The following SLC23A3 variants were observed in gnomAD, a reference collection of about 807,000 sequenced individuals.
The protein encoded by SLC23A3 is E2-binding protein 3.
Under a neutral mutation model 64.7 loss-of-function variants are expected in SLC23A3, and 41 were observed. The ratio of observed to expected loss-of-function variants is 0.63; its 90% confidence interval spans 0.49 to 0.82. The LOEUF (loss-of-function observed/expected upper bound fraction) is 0.82, where lower values mean the gene tolerates loss of function less well. Ranked by LOEUF, SLC23A3 falls within the 40% of genes least tolerant of loss-of-function variation. SLC23A3 has a pLI of 0.00. For missense variants in SLC23A3, 647 were observed against 733.4 expected, an observed-to-expected ratio of 0.88 and a Z score of 1.36; for synonymous variants, 281 against 306.8, an observed-to-expected ratio of 0.92 and a Z score of 0.88.
rs574296558 is a variant in SLC23A3 at position 219,167,818 on chromosome 2, A to G, written c.913+112T>C. ...CAGACTGATAATTTCTCTCTCCTATATGTTTTCAAAAAACACAGGATTTAA... is the reference window on the plus strand; with the variant it reads ...CAGACTGATAATTTCTCTCTCCTATGTGTTTTCAAAAAACACAGGATTTAA... On this transcript the variant is annotated intron_variant, in intron 7 of 11. Coordinates refer to ENST00000409878, the MANE Select transcript of SLC23A3 (RefSeq NM_001144889.2). The G allele has an allele frequency of 1.7e-4, 146 of 835,488 alleles. No individual in the cohort carries two copies. The African/African-American group carries it at 2.3e-3, about 13-fold the overall frequency. The allele number at this position is 835,488 out of a possible 1,614,324, so 51.8% of individuals were successfully genotyped here. A position where few individuals can be genotyped will look rare whatever the true frequency, so the allele number is the denominator to read the frequency against.
chr2:219,169,890 G>A lies in SLC23A3; in HGVS notation c.95C>T (p.Ser32Phe), dbSNP rs1950044889. The change falls in exon 1 of 12, where the codon TCC becomes TTC. Residue 32 changes from serine (S) to phenylalanine (F), a missense_variant. Physicochemically the swap from Ser to Phe is radical, Grantham distance 155 (BLOSUM62 -2). Transcript: ENST00000409878. The surrounding 1 kb of genome is among the most constrained non-coding windows in gnomAD (Gnocchi z 4.5). Reference protein sequence around the residue: ...PLPPPAPQNPSTHSWDPLCGS... With the variant: ...PLPPPAPQNPFTHSWDPLCGS... ...ACACAAAGGGTCCCAAGAGTGGGTG[G>A]AGGGATTCTGGGGAGCAGGTGGAGG... 6.2e-7 allele frequency: 1 copy of A among 1,613,688 alleles called. No homozygotes were observed. Among genetic ancestry groups the A allele is most frequent in the Admixed American group, 1.7e-5 (1 of 59,864 alleles).
chr2:219,169,977 C>G lies in SLC23A3; in HGVS notation c.8G>C (p.Arg3Pro), dbSNP rs763989453. Residue 3 changes from arginine (R) to proline (P), a missense_variant, in exon 1 of 12, where the codon CGA (arginine) becomes CCA (proline). Arg to Pro is a moderately radical substitution (Grantham distance 103, BLOSUM62 -2). Coordinates refer to ENST00000409878, the MANE Select transcript of SLC23A3 (RefSeq NM_001144889.2). This position sits in a 1 kb window ranked among gnomAD's most constrained non-coding sequence, Gnocchi z 4.5. MS[R>P]SPLNPSQLRS... ...GAGTTGGCTGGGATTGAGGGGTGAT[C>G]GGCTCATGCTGCCTTGCCTTTCGCT... The G allele has an allele frequency of 6.2e-7, 1 of 1,613,722 alleles. No individual in the cohort carries two copies. The highest frequency in any genetic ancestry group is 8.5e-7 in the Non-Finnish European group (1 of 1,179,916).
In SLC23A3 at chr2:219,168,783, C is replaced by T; in HGVS notation, c.543G>A (p.Leu181=). 1 of 1,607,112 alleles carries T rather than the reference C, an allele frequency of 6.2e-7. No individual in the cohort carries two copies. Among genetic ancestry groups the T allele is most frequent in the Non-Finnish European group, 8.5e-7 (1 of 1,176,472 alleles). Residue 181 remains leucine, a synonymous_variant, in exon 5 of 12, where the codon CTG becomes CTA. Transcript: ENST00000409878. ...GGAACACGTGGCCGGGACTCCCCAG[C>T]AGCCCCATCATGCCCTGCAGCAGCC... The part of the protein sequence containing the change: ...VSGLLQGMMG[L]LGSPGHVFPH...
At chr2:219,164,966 A>T in intron 8 of SLC23A3, 1 of 640,832 alleles carries the variant, frequency 1.6e-6, no homozygotes, top group Non-Finnish European at 2.6e-6. Context: ...TAGCCTTGAT[A>T]CAGTGCCTCA....
At chr2:219,165,534 T>A in intron 7 of SLC23A3, 112 bp from the exon 8 acceptor site, 1 of 1,291,864 alleles carries the variant, frequency 7.7e-7, no homozygotes, top group Non-Finnish European at 1.1e-6. Context: ...TTGAAGACAA[T>A]GTCTTGGGAC....
At position 219,162,309 on chromosome 2, in the gene SLC23A3, GT is replaced by G. The variant is rs774839174; in HGVS notation, c.1526del (p.Asn509ThrfsTer12). 1 of 1,614,090 alleles carries G rather than the reference GT, an allele frequency of 6.2e-7. No individual in the cohort carries two copies. Among genetic ancestry groups the G allele is most frequent in the Non-Finnish European group, 8.5e-7 (1 of 1,179,996 alleles). Reference sequence around the variant, plus strand: ...CTAGCCTCAACTTACCAGGAATCGTGTTCTCTAGTAGGAAGCCTGAGAGTCC... The same window carrying G: ...CTAGCCTCAACTTACCAGGAATCGTGTCTCTAGTAGGAAGCCTGAGAGTCC... The part of the protein sequence containing the change: ...LAGLSGFLLE[N>X]TIPGTQLERG... On this transcript the variant is annotated frameshift_variant, in exon 11 of 12. Transcript: ENST00000409878. LOFTEE classifies it high-confidence loss of function.
chr2:219,165,098 G>A (rs1445090040), intron 8 of SLC23A3, 71 bp downstream of exon 8: 8 of 1,504,060 alleles, frequency 5.3e-6, no homozygotes, highest in East Asian at 5.0e-5. Context: ...GCAATCAATC[G>A]GTGTAAGTTC....
intron 11 of SLC23A3, 41 bp downstream of exon 11, chr2:219,162,258 C>T (rs748928914): frequency 6.2e-7 from 1 of 1,613,628 alleles, no homozygotes; most frequent in South Asian, 1.1e-5. Context: ...GGATGGCTTC[C>T]TGGCCACTCC....
chr2:219,165,151 C>T lies in SLC23A3; in HGVS notation c.1167+18G>A. The T allele has an allele frequency of 6.4e-7, 1 of 1,551,088 alleles. No individual in the cohort carries two copies. Among genetic ancestry groups the T allele is most frequent in the Non-Finnish European group, 8.7e-7 (1 of 1,146,846 alleles). On this transcript the variant is annotated intron_variant, in intron 8 of 11. Coordinates refer to ENST00000409878, the MANE Select transcript of SLC23A3 (RefSeq NM_001144889.2). Reference sequence around the variant, plus strand: ...CTCTAGCTCCATCCTACCCCACTCCCATCCCAGGTCCACGTACCTGGATAA... The same window carrying T: ...CTCTAGCTCCATCCTACCCCACTCCTATCCCAGGTCCACGTACCTGGATAA...
Position 219,161,758 on chromosome 2 carries a change from A to G in SLC23A3, c.*151T>C, listed in dbSNP as rs1409707609. 2 of 773,552 alleles carry G rather than the reference A, an allele frequency of 2.6e-6. No individual in the cohort carries two copies. The highest frequency in any genetic ancestry group is 3.4e-5 in the African/African-American group (2 of 58,162). The allele number at this position is 773,552 out of a possible 1,614,324, so 47.9% of individuals were successfully genotyped here. A position where few individuals can be genotyped will look rare whatever the true frequency, so the allele number is the denominator to read the frequency against. ...GGCCTAATTAAGACAAGGAAAGGCAACCCACCCTATTGGGAAATGGAACCT... is the reference window on the plus strand; with the variant it reads ...GGCCTAATTAAGACAAGGAAAGGCAGCCCACCCTATTGGGAAATGGAACCT... On this transcript the variant is annotated 3_prime_UTR_variant, in exon 12 of 12. Transcript: ENST00000409878.
chr2:219,162,015 T>C lies in SLC23A3; in HGVS notation c.1727A>G (p.Asp576Gly). 1.9e-6 allele frequency: 3 copies of C among 1,614,090 alleles called. No homozygotes were observed. In the South Asian group the frequency reaches 3.3e-5, roughly 18 times the overall value. The change falls in exon 12 of 12, where the codon GAT becomes GGT. Residue 576 changes from aspartate (D) to glycine (G), a missense_variant. By Grantham distance (94) the Asp-to-Gly change is moderately conservative. Coordinates refer to ENST00000409878, the MANE Select transcript of SLC23A3 (RefSeq NM_001144889.2). ...TGGCTCAGAGGAGCCTCCTTCCTCA[T>C]CCCCAGGGTCTTCAGGCAGTGGGCA... ...CLCPLPEDPG[D>G]EEGGSSEPEE...
rs577731120 is a variant in SLC23A3 at position 219,168,129 on chromosome 2, G to A, written c.798+66C>T. ...GGGGTAGACAGAAGCCAAAAGGTAG[G>A]GGATGGAGTGAGCACTCCAGGCCAG... On this transcript the variant is annotated intron_variant, in intron 6 of 11. Coordinates refer to ENST00000409878, the MANE Select transcript of SLC23A3 (RefSeq NM_001144889.2). 1.7e-4 allele frequency: 275 copies of A among 1,592,030 alleles called. 1 individual carries two copies. Among genetic ancestry groups the A allele is most frequent in the Non-Finnish European group, 2.3e-4 (264 of 1,168,248 alleles).
rs1949970383 is a variant in SLC23A3 at position 219,163,477 on chromosome 2, C to G, written c.1352G>C (p.Gly451Ala). The G allele has an allele frequency of 6.2e-7, 1 of 1,614,024 alleles. No homozygotes were observed. Among genetic ancestry groups the G allele is most frequent in the Admixed American group, 1.7e-5 (1 of 59,998 alleles). Residue 451 changes from glycine to alanine, a missense_variant, in exon 10 of 12, where the codon GGG becomes GCG. Gly to Ala is a moderately conservative substitution (Grantham distance 60). Transcript: ENST00000409878. ...GAAGCCCACAATGAAGATATTTCGC[C>G]CAGAGTCTATGTCAGCCAGGTAGAA... ...SSFYLADIDS[G>A]RNIFIVGFSI...
chr2:219,163,767 T>C (rs980567827), intron 9 of SLC23A3, among the ~76,000 whole-genome samples: 5 of 152,128 alleles, frequency 3.3e-5, no homozygotes, highest in African/African-American at 1.2e-4. Flanking sequence ...CAATCTCGGC[T>C]CACTGCAACC....
At chr2:219,168,434 C>G in intron 5 of SLC23A3, 116 bp from the exon 6 acceptor site, 1 of 1,303,406 alleles carries the variant, frequency 7.7e-7, no homozygotes. Flanking sequence ...GAAGGAAACT[C>G]CCATGGAAGG....
intron 10 of SLC23A3, 90 bp downstream of exon 10, chr2:219,163,298 C>T: frequency 7.8e-7 from 1 of 1,283,146 alleles, no homozygotes; most frequent in Admixed American, 2.0e-5. Context: ...CACCAAAGCC[C>T]AGAGAAGGCT....
intron 7 of SLC23A3, among the ~76,000 whole-genome samples, chr2:219,165,897 G>A (rs1950000973): frequency 6.6e-6 from 1 of 152,214 alleles, no homozygotes; most frequent in South Asian, 2.1e-4. Context: ...ACTTTGGGAG[G>A]CCAAGGCAGG....
rs770060865 is a variant in SLC23A3, at chr2:219,161,971, G to A, written c.1771C>T (p.Leu591=). 1 of 1,610,762 alleles carries A rather than the reference G, an allele frequency of 6.2e-7. No homozygotes were observed. The highest frequency in any genetic ancestry group is 2.2e-5 in the East Asian group (1 of 44,794). ...SSEPEEMADL[L]PGSGEPCPES... is the part of the protein sequence containing the mutation. The stretch of plus-strand genomic sequence containing the variant: ...GGGCATGGCTCCCCTGAGCCAGGCA[G>A]CAAGTCTGCCATCTCTTCTGGCTCA... Residue 591 remains leucine (L), a synonymous_variant, in exon 12 of 12, where the codon CTG becomes TTG. Transcript: ENST00000409878.
At chr2:219,165,953 G>GT (rs1020783821) in intron 7 of SLC23A3, among the ~76,000 whole-genome samples, 1 of 152,090 alleles carries the variant, frequency 6.6e-6, no homozygotes, top group African/African-American at 2.4e-5. Context: ...GGCCAACATG[G>GT]TGAAACCCCA....
Sources: allele counts gnomAD v4.1 joint callset (sites outside exome capture counted in the v4.1 genomes callset), GRCh38; gene constraint gnomAD v4.1.1; non-coding constraint Gnocchi (gnomAD v3.1); transcripts MANE v1.5; gene names NCBI Gene and HGNC (gene_info 2026-07-23, HGNC 2026-07-21).